LDB2: variants seen among roughly 807,000 people sequenced by gnomAD.
LDB2 encodes the protein LIM domain binding 2, also known as LIM domain-binding protein 2.
Under a neutral mutation model 44.3 loss-of-function variants are expected in LDB2, and 12 were observed. The observed-to-expected ratio is 0.27, with a 90% confidence interval of 0.17 to 0.44. The LOEUF (loss-of-function observed/expected upper bound fraction) is 0.44. LDB2 is among the 20% of genes least tolerant of loss of function. The probability of loss-of-function intolerance (pLI) is 1.00; values close to 1 mark genes in which losing one functional copy is unlikely to be tolerated. For synonymous variants in LDB2, 164 were observed against 174.8 expected, an observed-to-expected ratio of 0.94 and a Z score of 0.49; for missense variants, 344 against 473.5, an observed-to-expected ratio of 0.73 and a Z score of 2.54.
intron 5 of LDB2, among the ~76,000 whole-genome samples, chr4:16,518,883 C>T (rs1724898901): frequency 9.2e-5 from 14 of 152,172 alleles, no homozygotes; most frequent in Admixed American, 9.2e-4. Flanking sequence ...CTGGAGAGAG[C>T]TCCTTTACTT....
At chr4:16,670,958 TGAGA>T (rs1744581511) in intron 2 of LDB2, among the ~76,000 whole-genome samples, 1 of 152,138 alleles carries the variant, frequency 6.6e-6, no homozygotes, top group African/African-American at 2.4e-5. Context: ...TGCTTCTACA[TGAGA>T]AAGAAGGAAT....
chr4:16,858,553 C>T (rs1789846289), intron 1 of LDB2, among the ~76,000 whole-genome samples: 3 of 152,152 alleles, frequency 2.0e-5, no homozygotes, highest in Non-Finnish European at 4.4e-5. Flanking sequence ...ATTTTCTGAT[C>T]AGATAACAGT....
chr4:16,599,794 C>T (rs1273332355), intron 2 of LDB2, among the ~76,000 whole-genome samples: 1 of 152,168 alleles, frequency 6.6e-6, no homozygotes, highest in African/African-American at 2.4e-5. Flanking sequence ...ATTCACTGAA[C>T]CTGGAGTAGG....
At chr4:16,759,510 G>A (rs917387107) in intron 1 of LDB2, 1 of 421,672 alleles carries the variant, frequency 2.4e-6, no homozygotes, top group African/African-American at 2.0e-5. Context: ...GATATATTTG[G>A]GGAGATTTAA....
At chr4:16,735,607 G>T (rs979558953) in intron 2 of LDB2, among the ~76,000 whole-genome samples, 1 of 151,832 alleles carries the variant, frequency 6.6e-6, no homozygotes, top group Non-Finnish European at 1.5e-5. Context: ...AGAGAAACCT[G>T]GCAAACACTA....
At chr4:16,519,878 A>G (rs1232408615) in intron 5 of LDB2, among the ~76,000 whole-genome samples, 1 of 152,002 alleles carries the variant, frequency 6.6e-6, no homozygotes, top group East Asian at 2.0e-4. Context: ...GAGAAATGCT[A>G]TGGCCTTAAA....
intron 1 of LDB2, among the ~76,000 whole-genome samples, chr4:16,782,009 G>C (rs1773346305): frequency 6.6e-6 from 1 of 152,222 alleles, no homozygotes; most frequent in Non-Finnish European, 1.5e-5. Flanking sequence ...AGAACTGCGA[G>C]AGAGTGAATT....
At chr4:16,688,950 A>C (rs1749922184) in intron 2 of LDB2, among the ~76,000 whole-genome samples, 1 of 152,386 alleles carries the variant, frequency 6.6e-6, no homozygotes, top group South Asian at 2.1e-4. Flanking sequence ...CAACAATAAC[A>C]AACACTTTAT....
At chr4:16,835,305 C>G (rs1238446980) in intron 1 of LDB2, among the ~76,000 whole-genome samples, 1 of 152,320 alleles carries the variant, frequency 6.6e-6, no homozygotes, top group Non-Finnish European at 1.5e-5. Flanking sequence ...ACACCCCAGA[C>G]AGAGGTAGCC....
chr4:16,859,890 G>A (rs1328148640), intron 1 of LDB2, among the ~76,000 whole-genome samples: 1 of 152,186 alleles, frequency 6.6e-6, no homozygotes, highest in African/African-American at 2.4e-5. Flanking sequence ...CAGGCACTAT[G>A]CAAAACGCTT....
intron 2 of LDB2, among the ~76,000 whole-genome samples, chr4:16,657,637 A>G (rs1430358155): frequency 1.3e-5 from 2 of 152,094 alleles, no homozygotes; most frequent in Non-Finnish European, 2.9e-5. Context: ...TCTCCCCACA[A>G]CTGCCCTGGC....
At chr4:16,807,308 C>A (rs1343336911) in intron 1 of LDB2, among the ~76,000 whole-genome samples, 1 of 152,158 alleles carries the variant, frequency 6.6e-6, no homozygotes, top group East Asian at 1.9e-4. Context: ...TTTCAAGAGC[C>A]ATATGGCCTT....
Position 16,898,402 on chromosome 4 carries a change from T to C in LDB2, c.84A>G (p.Pro28=). The change falls in exon 1 of 8, where the codon CCA becomes CCG. Residue 28 remains proline (P), a synonymous_variant. Coordinates refer to ENST00000304523, the MANE Select transcript of LDB2 (RefSeq NM_001290.5). ...YRRHTPYMVQ[P]EYRIYEMNKR... ...TGTTCATCTCATAGATTCGGTACTC[T>C]GGCTGTACCATGTATGGTGTATGCC... 3 of 1,613,798 alleles carry C rather than the reference T, an allele frequency of 1.9e-6. No homozygotes were observed. Among genetic ancestry groups the C allele is most frequent in the Middle Eastern group, 1.6e-4 (1 of 6,062 alleles).
intron 1 of LDB2, among the ~76,000 whole-genome samples, chr4:16,828,418 C>T (rs971776415): frequency 3.3e-5 from 5 of 152,160 alleles, no homozygotes; most frequent in African/African-American, 1.2e-4. Context: ...CTCCAGTGTG[C>T]TTTTCTGGAT....
intron 2 of LDB2, among the ~76,000 whole-genome samples, chr4:16,599,755 T>C (rs1560592933): frequency 2.0e-5 from 3 of 152,204 alleles, no homozygotes; most frequent in Non-Finnish European, 1.5e-5. Context: ...AATCATTCTA[T>C]TGATCATTCA....
chr4:16,562,173 T>G lies in LDB2; in HGVS notation c.615+23749A>C, dbSNP rs568707017. 5.9e-5 allele frequency among the ~76,000 whole-genome samples: 9 copies of G among 152,188 alleles called. No homozygotes were observed. The East Asian group carries it at 1.2e-3, about 20-fold the overall frequency. ...CATAGGCATGGGCAAGGACTTCATGTCTAAAACACCAAAAGCAATGGCAAC... is the reference window on the plus strand; with the variant it reads ...CATAGGCATGGGCAAGGACTTCATGGCTAAAACACCAAAAGCAATGGCAAC... On this transcript the variant is annotated intron_variant, in intron 5 of 7. Transcript: ENST00000304523.
At chr4:16,615,196 C>T (rs1027771192) in intron 2 of LDB2, among the ~76,000 whole-genome samples, 1 of 151,648 alleles carries the variant, frequency 6.6e-6, no homozygotes, top group African/African-American at 2.4e-5. Context: ...GACAGTTTAG[C>T]AATTCCTCAA....
At chr4:16,597,570 C>T (rs1560586919) in intron 2 of LDB2, among the ~76,000 whole-genome samples, 2 of 152,130 alleles carry the variant, frequency 1.3e-5, no homozygotes, top group Non-Finnish European at 2.9e-5. Context: ...AGCTAATTAT[C>T]ACAAATCAGC....
intron 1 of LDB2, among the ~76,000 whole-genome samples, chr4:16,892,629 T>A (rs1404432001): frequency 1.3e-5 from 2 of 152,208 alleles, no homozygotes; most frequent in African/African-American, 2.4e-5. Context: ...TTGTTCTTGA[T>A]CATTTATAAA....
Sources: gnomAD v4.1 joint callset for allele counts (sites outside exome capture counted in the v4.1 genomes callset) on GRCh38, gnomAD v4.1.1 for gene constraint, MANE v1.5 for transcripts, NCBI Gene and HGNC (gene_info 2026-07-23, HGNC 2026-07-21) for gene names.